Variants in GALNT13 observed in about 807,000 individuals in gnomAD.
GALNT13 encodes polypeptide N-acetylgalactosaminyltransferase 13, also known as UDP-GalNAc:polypeptide N-acetylgalactosaminyltransferase 13.
A neutral mutation model predicts 64.2 loss-of-function variants in GALNT13; 28 were observed. That is an observed-to-expected ratio of 0.44 (90% CI 0.32 to 0.60). The LOEUF is 0.60. Ranked by LOEUF, GALNT13 falls within the 20% of genes least tolerant of loss-of-function variation. GALNT13 has a pLI of 0.05. For synonymous variants in GALNT13, 214 were observed against 224.6 expected, an observed-to-expected ratio of 0.95 and a Z score of 0.42; for missense variants, 577 against 669.8, an observed-to-expected ratio of 0.86 and a Z score of 1.53.
chr2:153,249,866 A>C, the GALNT13 span, among the ~76,000 whole-genome samples: 1 of 152,250 alleles, frequency 6.6e-6, no homozygotes, highest in African/African-American at 2.4e-5. Context: ...CACCTTATAC[A>C]AAAATTAATT....
At position 154,286,931 on chromosome 2, in the gene GALNT13, A is replaced by G. The variant is rs140886302; in HGVS notation, c.976-14478A>G. Reference sequence around the variant, plus strand: ...ATCTTCACCAGCATCGGAGAGGACTACAATGACTCTGTGCTGCCATCCATC... The same window carrying G: ...ATCTTCACCAGCATCGGAGAGGACTGCAATGACTCTGTGCTGCCATCCATC... On this transcript the variant is annotated intron_variant, in intron 8 of 12. Coordinates refer to ENST00000392825, the MANE Select transcript of GALNT13 (RefSeq NM_052917.4). 24 of 519,702 alleles carry G rather than the reference A, an allele frequency of 4.6e-5. No homozygotes were observed. The East Asian group carries it at 6.2e-4, about 13-fold the overall frequency. 32.2% of individuals were successfully genotyped at this position (519,702 alleles called of 1,614,324 possible). A position where few individuals can be genotyped will look rare whatever the true frequency, so the allele number is the denominator to read the frequency against.
intron 3 of GALNT13, among the ~76,000 whole-genome samples, chr2:153,995,199 T>A (rs1695441407): frequency 6.6e-6 from 1 of 152,124 alleles, no homozygotes; most frequent in Admixed American, 6.6e-5. Flanking sequence ...TGTTTTCAGC[T>A]TTTTTGTATT....
chr2:153,285,034 T>TAA, the GALNT13 span, among the ~76,000 whole-genome samples: 1,526 of 141,648 alleles, frequency 0.011, 32 homozygotes, highest in African/African-American at 0.034. Flanking sequence ...GTAATTTATT[T>TAA]AAAAAAAAAA....
the GALNT13 span, among the ~76,000 whole-genome samples, chr2:153,645,531 T>C: frequency 6.3e-3 from 960 of 152,222 alleles, 5 homozygotes; most frequent in South Asian, 0.018. Flanking sequence ...ATTATGCAAA[T>C]AGAATACTTT....
the GALNT13 span, among the ~76,000 whole-genome samples, chr2:153,192,745 A>AT: frequency 6.6e-6 from 1 of 151,920 alleles, no homozygotes; most frequent in Non-Finnish European, 1.5e-5. Context: ...TCATTATGTT[A>AT]TGACCTTCTT....
the GALNT13 span, among the ~76,000 whole-genome samples, chr2:153,389,758 A>C: frequency 6.6e-6 from 1 of 152,038 alleles, no homozygotes; most frequent in African/African-American, 2.4e-5. Flanking sequence ...CATTGGAGAG[A>C]GCGCTGGGCT....
the GALNT13 span, among the ~76,000 whole-genome samples, chr2:153,140,281 T>C: frequency 6.6e-6 from 1 of 151,976 alleles, no homozygotes; most frequent in Non-Finnish European, 1.5e-5. Context: ...GAGAACCCGA[T>C]AAGTTAACTG....
chr2:154,251,142 A>G (rs1690047900), intron 7 of GALNT13, among the ~76,000 whole-genome samples: 1 of 152,158 alleles, frequency 6.6e-6, no homozygotes, highest in Admixed American at 6.5e-5. Flanking sequence ...GAAGAAAACT[A>G]GGGTAATAGA....
At chr2:153,360,237 C>T in the GALNT13 span, among the ~76,000 whole-genome samples, 349 of 152,298 alleles carry the variant, frequency 2.3e-3, 2 homozygotes, top group African/African-American at 8.1e-3. Context: ...AGTGAGCGTG[C>T]TACCCAGCCT....
At chr2:154,431,249 C>T (rs557271414) in intron 11 of GALNT13, among the ~76,000 whole-genome samples, 298 of 152,252 alleles carry the variant, frequency 2.0e-3, no homozygotes, top group Middle Eastern at 3.4e-3. Context: ...GATTCAGGTC[C>T]CAATAATACA....
intron 2 of GALNT13, among the ~76,000 whole-genome samples, chr2:153,910,694 C>A (rs1688879329): frequency 6.6e-6 from 1 of 151,992 alleles, no homozygotes; most frequent in Admixed American, 6.6e-5. Context: ...CATTATTTAC[C>A]CCAAATCATT....
Position 154,452,793 on chromosome 2 carries a change from C to T in GALNT13, c.*2242C>T, listed in dbSNP as rs1338325280. ...AACATCCAACACTAGAAAGCAATGA[C>T]TAACATTTAATTTGTTTACAAAAAT... On this transcript the variant is annotated 3_prime_UTR_variant, in exon 13 of 13. Coordinates refer to ENST00000392825, the MANE Select transcript of GALNT13 (RefSeq NM_052917.4). 1.3e-5 allele frequency: 2 copies of T among 152,148 alleles called. No homozygotes were observed. Among genetic ancestry groups the T allele is most frequent in the Non-Finnish European group, 1.5e-5 (1 of 68,018 alleles). 9.4% of individuals were successfully genotyped at this position (152,148 alleles called of 1,614,324 possible).
the GALNT13 span, among the ~76,000 whole-genome samples, chr2:153,193,520 G>A: frequency 2.0e-5 from 3 of 151,448 alleles, no homozygotes; most frequent in Non-Finnish European, 4.4e-5. Flanking sequence ...TGGGTGCAGT[G>A]CACCAGCACG....
chr2:153,957,222 T>A (rs1463849678), intron 3 of GALNT13, among the ~76,000 whole-genome samples: 3 of 152,172 alleles, frequency 2.0e-5, no homozygotes. Context: ...ATTGGGACCA[T>A]CTACTTGGCC....
intron 7 of GALNT13, among the ~76,000 whole-genome samples, chr2:154,255,099 A>G (rs1690299256): frequency 6.6e-6 from 1 of 152,212 alleles, no homozygotes; most frequent in African/African-American, 2.4e-5. Context: ...AAAATTAACA[A>G]TCAGATTAGT....
At chr2:153,345,703 C>CCT in the GALNT13 span, among the ~76,000 whole-genome samples, 46 of 65,788 alleles carry the variant, frequency 7.0e-4, 1 homozygote, top group Admixed American at 1.3e-3. Flanking sequence ...TTCTTTCTTT[C>CCT]TCTTTCTCTC....
the GALNT13 span, among the ~76,000 whole-genome samples, chr2:153,253,407 T>G: frequency 1.8e-5 from 2 of 111,116 alleles, 1 homozygote; most frequent in Non-Finnish European, 3.7e-5. Flanking sequence ...AATCGTGTCA[T>G]CTGCAAACAG....
the GALNT13 span, among the ~76,000 whole-genome samples, chr2:153,082,564 T>G: frequency 8.4e-6 from 1 of 118,964 alleles, no homozygotes; most frequent in East Asian, 2.6e-4. Context: ...GATGGGCATT[T>G]AGGCTGGTTT....
the GALNT13 span, among the ~76,000 whole-genome samples, chr2:153,503,676 A>G: frequency 6.6e-6 from 1 of 151,994 alleles, no homozygotes; most frequent in South Asian, 2.1e-4. Flanking sequence ...CCTGGCCTCA[A>G]ATGATCCACC....
Sources: gnomAD v4.1 joint callset for allele counts (sites outside exome capture counted in the v4.1 genomes callset) on GRCh38, gnomAD v4.1.1 for gene constraint, MANE v1.5 for transcripts, NCBI Gene and HGNC (gene_info 2026-07-23, HGNC 2026-07-21) for gene names.